Variants in TBC1D9B observed in about 807,000 individuals in gnomAD.
TBC1D9B encodes the protein TBC1 domain family member 9B, also known as TBC1 domain family, member 9B (with GRAM domain).
In TBC1D9B, 87 loss-of-function variants were observed where a neutral mutation model predicts 121.1. The observed-to-expected ratio is 0.72, with a 90% CI of 0.60 to 0.86. The LOEUF is 0.86. Ranked by LOEUF, TBC1D9B falls within the 40% of genes least tolerant of loss-of-function variation. The probability of loss-of-function intolerance (pLI) is 0.00; values close to 1 mark genes in which losing one functional copy is unlikely to be tolerated. For missense variants in TBC1D9B, 1,540 were observed against 1,628.6 expected, an observed-to-expected ratio of 0.95 and a Z score of 0.94; for synonymous variants, 668 against 670.1, an observed-to-expected ratio of 1.00 and a Z score of 0.05.
intron 2 of TBC1D9B, among the ~76,000 whole-genome samples, chr5:179,903,697 G>A (rs1055958536): frequency 2.8e-4 from 42 of 152,210 alleles, no homozygotes; most frequent in Non-Finnish European, 5.1e-4. Context: ...ACGCCTGAAT[G>A]AAGCTGCTCT....
At position 179,865,702 on chromosome 5, in the gene TBC1D9B, C is replaced by T; in HGVS notation, c.2914+136G>A. 1 of 1,021,634 alleles carries T rather than the reference C, an allele frequency of 9.8e-7. No individual in the cohort carries two copies. The highest frequency in any genetic ancestry group is 1.5e-6 in the Non-Finnish European group (1 of 689,336). 63.3% of individuals were successfully genotyped at this position (1,021,634 alleles called of 1,614,324 possible). On this transcript the variant is annotated intron_variant, in intron 19 of 20. Transcript: ENST00000355235. The surrounding 1 kb of genome is among the most constrained non-coding windows in gnomAD (Gnocchi z 5.1). ...TGGAGCCTCCTGTGCATCCCGAGGCCTGCTCCCTGATCGGGGGACGCATCC... is the reference window on the plus strand; with the variant it reads ...TGGAGCCTCCTGTGCATCCCGAGGCTTGCTCCCTGATCGGGGGACGCATCC...
chr5:179,864,205 G>T (rs1759939104), intron 20 of TBC1D9B, 77 bp from the exon 21 acceptor site: 3 of 1,393,656 alleles, frequency 2.2e-6, no homozygotes, highest in Non-Finnish European at 2.9e-6. Flanking sequence ...CCAAACTGAT[G>T]ACAAGCACCA....
chr5:179,904,915 A>C lies in TBC1D9B; in HGVS notation c.119-103T>G. 1 of 872,750 alleles carries C rather than the reference A, an allele frequency of 1.1e-6. No homozygotes were observed. The highest frequency in any genetic ancestry group is 1.7e-6 in the Non-Finnish European group (1 of 575,850). 54.1% of individuals were successfully genotyped at this position (872,750 alleles called of 1,614,324 possible). A position where few individuals can be genotyped will look rare whatever the true frequency, so the allele number is the denominator to read the frequency against. Reference sequence around the variant, plus strand: ...GCAGACAGGATGGTGACGCTACCCAAAGGGTCCAGCCCAACGAGGGAAACG... The same window carrying C: ...GCAGACAGGATGGTGACGCTACCCACAGGGTCCAGCCCAACGAGGGAAACG... On this transcript the variant is annotated intron_variant, in intron 1 of 20. Transcript: ENST00000355235. The surrounding 1 kb of genome is among the most constrained non-coding windows in gnomAD (Gnocchi z 4.2).
chr5:179,866,322 G>T, intron 18 of TBC1D9B: 1 of 184,216 alleles, frequency 5.4e-6, no homozygotes, highest in South Asian at 1.1e-4. Context: ...TGTTACTGAG[G>T]GGTGGTCTGT....
At chr5:179,901,892 G>C in intron 2 of TBC1D9B, among the ~76,000 whole-genome samples, 1 of 152,256 alleles carries the variant, frequency 6.6e-6, no homozygotes, top group Non-Finnish European at 1.5e-5. Context: ...TAATATAATA[G>C]CTAATTAGAG....
In TBC1D9B at chr5:179,898,512, G is replaced by C. The variant is rs925668627; in HGVS notation, c.348+677C>G. Among the ~76,000 whole-genome samples the C allele has an allele frequency of 2.7e-5, 4 of 150,346 alleles. No homozygotes were observed. The East Asian group carries it at 8.0e-4, about 30-fold the overall frequency. ...CACCTAGGCTGGTGTGCAGTGGCAC[G>C]ATCTCAGCTCACTGCAACCTCGGCC... On this transcript the variant is annotated intron_variant, in intron 3 of 20. Coordinates refer to ENST00000355235, the MANE Select transcript of TBC1D9B (RefSeq NM_015043.4).
intron 3 of TBC1D9B, among the ~76,000 whole-genome samples, chr5:179,898,374 C>T (rs1474096754): frequency 6.6e-6 from 1 of 151,946 alleles, no homozygotes; most frequent in Non-Finnish European, 1.5e-5. Context: ...AGGATGGTCG[C>T]GATCTCCTAA....
chr5:179,872,806 T>G, intron 14 of TBC1D9B, 86 bp downstream of exon 14: 5 of 1,333,176 alleles, frequency 3.8e-6, no homozygotes, highest in Non-Finnish European at 5.3e-6. Flanking sequence ...CTGGGTGCGG[T>G]GGAGCCCTGT....
intron 7 of TBC1D9B, chr5:179,880,011 C>T: frequency 1.7e-6 from 1 of 598,702 alleles, no homozygotes; most frequent in Admixed American, 3.1e-5. Flanking sequence ...AGTAATTAAC[C>T]CCACTCTCAC....
Position 179,863,370 on chromosome 5 carries a change from G to C in TBC1D9B, c.*78C>G, listed in dbSNP as rs1582068894. On this transcript the variant is annotated 3_prime_UTR_variant, in exon 21 of 21. Coordinates refer to ENST00000355235, the MANE Select transcript of TBC1D9B (RefSeq NM_015043.4). The surrounding 1 kb of genome is among the most constrained non-coding windows in gnomAD (Gnocchi z 4.5). ...AGGGGCACACCTTTAAAGAGAAACT[G>C]ATAAGGGAGGAAAGGCAGGAGGAGA... 2.7e-6 allele frequency: 4 copies of C among 1,498,638 alleles called. No individual in the cohort carries two copies. The East Asian group carries it at 9.0e-5, about 34-fold the overall frequency. 92.8% of individuals were successfully genotyped at this position (1,498,638 alleles called of 1,614,324 possible).
chr5:179,897,857 G>C (rs941910020), intron 3 of TBC1D9B, among the ~76,000 whole-genome samples: 1 of 152,208 alleles, frequency 6.6e-6, no homozygotes, highest in Non-Finnish European at 1.5e-5. Context: ...AAAGTGCACT[G>C]AGAAGAGCTG....
In TBC1D9B at chr5:179,879,717, A is replaced by G. The variant is rs767023275; in HGVS notation, c.1327T>C (p.Phe443Leu). The G allele has an allele frequency of 6.2e-7, 1 of 1,614,142 alleles. No homozygotes were observed. The highest frequency in any genetic ancestry group is 8.5e-7 in the Non-Finnish European group (1 of 1,180,008). The stretch of plus-strand genomic sequence containing the variant: ...GCGGTTGGCGCCTCCTGCGCACAGA[A>G]GCTCTGGCGGCTGCTGAGGGGAGAG... ...PASPLSSRQS[F>L]CAQEAPTASQ... The change falls in exon 8 of 21, where the codon TTC becomes CTC. Residue 443 changes from phenylalanine (F) to leucine (L), a missense_variant. Coordinates refer to ENST00000355235, the MANE Select transcript of TBC1D9B (RefSeq NM_015043.4).
Position 179,871,497 on chromosome 5 carries a change from T to G in TBC1D9B, c.2449A>C (p.Ile817Leu). The G allele has an allele frequency of 6.2e-7, 1 of 1,613,268 alleles. No individual in the cohort carries two copies. The highest frequency in any genetic ancestry group is 8.5e-7 in the Non-Finnish European group (1 of 1,179,712). ...ATGTAAAGGTCCTCCAGCTCTTCAA[T>G]GGAGAAACCAATGTCCACAGGTATA... ...RAIPVDIGFS[I>L]EELEDLYMVF... The change falls in exon 15 of 21, where the codon ATT (isoleucine) becomes CTT (leucine). Residue 817 changes from isoleucine to leucine, a missense_variant. Ile to Leu is a conservative substitution (Grantham distance 5). Transcript: ENST00000355235.
intron 2 of TBC1D9B, 46 bp from the exon 3 acceptor site, chr5:179,899,353 G>T (rs1272535790): frequency 1.3e-6 from 2 of 1,522,682 alleles, no homozygotes; most frequent in Admixed American, 3.5e-5. Context: ...GAATTCCCCA[G>T]GCCTTAAACG....
rs552334698 is a variant in TBC1D9B, at chr5:179,891,132, T to C, written c.1044+247A>G. Among the ~76,000 whole-genome samples, 1 of 152,354 alleles carries C rather than the reference T, an allele frequency of 6.6e-6. No individual in the cohort carries two copies. Among genetic ancestry groups the C allele is most frequent in the African/African-American group, 2.4e-5 (1 of 41,594 alleles). ...CCCTGTCTCCACTAGGCAAGTGACC[T>C]GAGAGGGCAAGCAGTGTGCCCCCAC... is the stretch of plus-strand genomic sequence containing the variant. On this transcript the variant is annotated intron_variant, in intron 6 of 20. Transcript: ENST00000355235. This position sits in a 1 kb window ranked among gnomAD's most constrained non-coding sequence, Gnocchi z 4.3.
chr5:179,889,975 G>C (rs1231001476), intron 6 of TBC1D9B, among the ~76,000 whole-genome samples: 4 of 151,980 alleles, frequency 2.6e-5, no homozygotes, highest in Admixed American at 1.3e-4. Context: ...TGGAGAGGAA[G>C]GGCTGAGCTC....
intron 3 of TBC1D9B, 150 bp from the exon 4 acceptor site, chr5:179,894,764 T>G: frequency 4.1e-6 from 3 of 725,886 alleles, no homozygotes; most frequent in Non-Finnish European, 6.7e-6. Context: ...TCTTGCTGGC[T>G]TGCAGTCAAG....
At chr5:179,905,931 G>A (rs915510218) in intron 1 of TBC1D9B, among the ~76,000 whole-genome samples, 2 of 152,196 alleles carry the variant, frequency 1.3e-5, no homozygotes, top group Non-Finnish European at 2.9e-5. Context: ...CCAAGGTGGA[G>A]TGCAATGGCG....
chr5:179,878,962 C>G, intron 9 of TBC1D9B, 85 bp downstream of exon 9: 14 of 1,495,098 alleles, frequency 9.4e-6, no homozygotes, highest in Non-Finnish European at 1.2e-5. Flanking sequence ...AACTCCAGGC[C>G]GGCTCAGGAC....
Sources: allele counts gnomAD v4.1 joint callset (sites outside exome capture counted in the v4.1 genomes callset), GRCh38; gene constraint gnomAD v4.1.1; non-coding constraint Gnocchi (gnomAD v3.1); transcripts MANE v1.5; gene names NCBI Gene and HGNC (gene_info 2026-07-23, HGNC 2026-07-21).